Variants in IMMP2L observed in about 807,000 individuals in gnomAD.
IMMP2L encodes the protein inner mitochondrial membrane peptidase subunit 2.
Under a neutral mutation model 19.3 loss-of-function variants are expected in IMMP2L, and 18 were observed. The ratio of observed to expected loss-of-function variants is 0.93; its 90% CI spans 0.64 to 1.38. The LOEUF (loss-of-function observed/expected upper bound fraction) is 1.38. Among genes scored for constraint, IMMP2L ranks in the 40% most tolerant of loss-of-function variants. The pLI, the probability that IMMP2L is intolerant of heterozygous loss-of-function variation, is 0.00. For synonymous variants in IMMP2L, 76 were observed against 73.0 expected, an observed-to-expected ratio of 1.04 and a Z score of -0.21; for missense variants, 233 against 218.2, an observed-to-expected ratio of 1.07 and a Z score of -0.43.
chr7:111,144,563 T>C (rs895272161), intron 3 of IMMP2L, among the ~76,000 whole-genome samples: 3 of 152,136 alleles, frequency 2.0e-5, no homozygotes, highest in African/African-American at 7.2e-5. Flanking sequence ...TTCACTTCTT[T>C]TTCCCCTTTC....
intron 5 of IMMP2L, chr7:110,724,121 T>C (rs534765767): frequency 6.6e-6 from 1 of 152,310 alleles, no homozygotes; most frequent in African/African-American, 2.4e-5. Context: ...TTTGGGACAT[T>C]TGAACCAAGT....
intron 3 of IMMP2L, among the ~76,000 whole-genome samples, chr7:111,278,814 A>C (rs1420569247): frequency 6.6e-6 from 1 of 150,750 alleles, no homozygotes; most frequent in Non-Finnish European, 1.5e-5. Context: ...ATTTCCTTGA[A>C]ATCTACACCC....
intron 3 of IMMP2L, among the ~76,000 whole-genome samples, chr7:111,078,782 G>C (rs964485184): frequency 2.0e-5 from 3 of 151,896 alleles, no homozygotes; most frequent in Non-Finnish European, 2.9e-5. Context: ...CCAGCCTGAA[G>C]TGCAATGGCA....
chr7:111,032,640 G>A (rs1253666820), intron 3 of IMMP2L, among the ~76,000 whole-genome samples: 1 of 152,012 alleles, frequency 6.6e-6, no homozygotes, highest in African/African-American at 2.4e-5. Flanking sequence ...TCACCAGTAT[G>A]GTGAAACCCC....
chr7:111,280,337 A>G (rs1819551014), intron 3 of IMMP2L, among the ~76,000 whole-genome samples: 1 of 152,072 alleles, frequency 6.6e-6, no homozygotes, highest in Non-Finnish European at 1.5e-5. Context: ...CAGCTCACAT[A>G]ACATCTCCTC....
At chr7:110,780,674 C>T (rs1799677539) in intron 5 of IMMP2L, among the ~76,000 whole-genome samples, 1 of 151,662 alleles carries the variant, frequency 6.6e-6, no homozygotes, top group Non-Finnish European at 1.5e-5. Context: ...TGATTAATTT[C>T]CAGAAAAGTA....
intron 5 of IMMP2L, among the ~76,000 whole-genome samples, chr7:110,674,569 C>T (rs1019253444): frequency 5.9e-5 from 9 of 152,000 alleles, no homozygotes; most frequent in African/African-American, 2.2e-4. Flanking sequence ...GAGAAATTTC[C>T]AAATAAACAA....
At chr7:111,482,186 C>G (rs1842249927) in intron 3 of IMMP2L, among the ~76,000 whole-genome samples, 1 of 152,214 alleles carries the variant, frequency 6.6e-6, no homozygotes, top group Admixed American at 6.5e-5. Context: ...TTAGACAGTA[C>G]AGGCTTAGAG....
intron 3 of IMMP2L, among the ~76,000 whole-genome samples, chr7:111,348,028 T>C (rs1827745272): frequency 6.6e-6 from 1 of 151,324 alleles, no homozygotes; most frequent in African/African-American, 2.4e-5. Context: ...CTGAGCAAAC[T>C]ATCGCAAGGA....
chr7:111,537,670 G>C (rs1293085037), intron 1 of IMMP2L, among the ~76,000 whole-genome samples: 1 of 151,422 alleles, frequency 6.6e-6, no homozygotes, highest in East Asian at 2.0e-4. Context: ...CAAGTAGCGG[G>C]AACCACAGGT....
chr7:111,156,046 C>T (rs1283794202), intron 3 of IMMP2L, among the ~76,000 whole-genome samples: 1 of 152,018 alleles, frequency 6.6e-6, no homozygotes, highest in East Asian at 1.9e-4. Context: ...ATAGTTTGTG[C>T]CTTTTCATTG....
At chr7:110,966,022 G>A (rs1353997748) in intron 3 of IMMP2L, among the ~76,000 whole-genome samples, 1 of 151,410 alleles carries the variant, frequency 6.6e-6, no homozygotes, top group African/African-American at 2.4e-5. Flanking sequence ...TTTTAAAAAA[G>A]AAAAAAATTC....
chr7:111,203,158 A>G lies in IMMP2L; in HGVS notation c.240-239593T>C, dbSNP rs556666519. On this transcript the variant is annotated intron_variant, in intron 3 of 5. Transcript: ENST00000405709. ...TTCATTTGAGATGAATTAATTCTTG[A>G]AACAAATGCTAACATAAAAAGAAGT... is the stretch of plus-strand genomic sequence containing the variant. Among the ~76,000 whole-genome samples the G allele has an allele frequency of 2.0e-5, 3 of 152,316 alleles. No individual in the cohort carries two copies. In the East Asian group the frequency reaches 5.8e-4, roughly 29 times the overall value.
intron 3 of IMMP2L, among the ~76,000 whole-genome samples, chr7:111,310,513 C>T (rs1440971998): frequency 1.3e-5 from 2 of 152,092 alleles, no homozygotes; most frequent in East Asian, 1.9e-4. Flanking sequence ...CAATCAAATA[C>T]ATATTGCTTT....
intron 3 of IMMP2L, among the ~76,000 whole-genome samples, chr7:111,015,810 A>T (rs545584051): frequency 4.0e-5 from 6 of 149,906 alleles, no homozygotes; most frequent in East Asian, 2.0e-4. Context: ...TGAATGATTT[A>T]AAAAAAAAAC....
chr7:111,522,249 C>T (rs1388297115), intron 1 of IMMP2L, among the ~76,000 whole-genome samples: 1 of 151,968 alleles, frequency 6.6e-6, no homozygotes, highest in Non-Finnish European at 1.5e-5. Context: ...AAGCTGGAGT[C>T]TTGGCAAGAC....
intron 5 of IMMP2L, among the ~76,000 whole-genome samples, chr7:110,729,943 T>A (rs182475431): frequency 0.13 from 20,188 of 151,334 alleles, 3,132 homozygotes; most frequent in African/African-American, 0.38. Flanking sequence ...TTTTTTTTTT[T>A]TAAAAAGCAA....
intron 4 of IMMP2L, among the ~76,000 whole-genome samples, chr7:110,896,650 C>T (rs752036936): frequency 3.6e-5 from 1 of 27,408 alleles, no homozygotes; most frequent in African/African-American, 6.1e-4. Flanking sequence ...GAGGTATTTT[C>T]GTATGTTATT....
intron 2 of IMMP2L, among the ~76,000 whole-genome samples, chr7:111,506,857 T>G (rs1159742819): frequency 6.6e-6 from 1 of 152,168 alleles, no homozygotes; most frequent in Non-Finnish European, 1.5e-5. Flanking sequence ...TTTGTTTTTG[T>G]TTGAGACAGA....
Sources: gnomAD v4.1 joint callset for allele counts (sites outside exome capture counted in the v4.1 genomes callset) on GRCh38, gnomAD v4.1.1 for gene constraint, MANE v1.5 for transcripts, NCBI Gene and HGNC (gene_info 2026-07-23, HGNC 2026-07-21) for gene names.